ALDH1L1: variants seen among roughly 807,000 people sequenced by gnomAD.
The protein encoded by ALDH1L1 is aldehyde dehydrogenase 1 family member L1.
A neutral mutation model predicts 101.1 loss-of-function variants in ALDH1L1; 68 were observed. The ratio of observed to expected loss-of-function variants is 0.67; its 90% confidence interval spans 0.55 to 0.82. The LOEUF is 0.82. ALDH1L1 is among the 40% of genes least tolerant of loss of function. The pLI, the probability that ALDH1L1 is intolerant of heterozygous loss-of-function variation, is 0.00. For missense variants in ALDH1L1, 1,087 were observed against 1,172.7 expected (o/e 0.93, Z 1.07); for synonymous variants, 486 against 470.8 (o/e 1.03, Z -0.42).
intron 16 of ALDH1L1, among the ~76,000 whole-genome samples, chr3:126,122,356 C>T (rs966114890): frequency 6.6e-6 from 1 of 152,102 alleles, no homozygotes; most frequent in African/African-American, 2.4e-5. Context: ...TGATTATATA[C>T]ATAATTGTAT....
At chr3:126,176,700 G>A (rs1189110930) in intron 1 of ALDH1L1, among the ~76,000 whole-genome samples, 1 of 151,978 alleles carries the variant, frequency 6.6e-6, no homozygotes, top group African/African-American at 2.4e-5. Context: ...CACAATTCAT[G>A]GAGGAAAAAA....
chr3:126,120,986 G>A (rs1266490221), intron 16 of ALDH1L1, among the ~76,000 whole-genome samples: 1 of 152,102 alleles, frequency 6.6e-6, no homozygotes, highest in Non-Finnish European at 1.5e-5. Context: ...ACCTCACAAT[G>A]TGGCCTTATT....
chr3:126,135,753 C>T, intron 11 of ALDH1L1, 91 bp from the exon 12 acceptor site: 2 of 1,410,402 alleles, frequency 1.4e-6, no homozygotes, highest in Non-Finnish European at 9.3e-7. Flanking sequence ...CCTGGGGCCC[C>T]AGTGAGGCGG....
chr3:126,195,383 G>A (rs113563308), intron 1 of ALDH1L1, among the ~76,000 whole-genome samples: 24 of 152,100 alleles, frequency 1.6e-4, no homozygotes, highest in African/African-American at 5.8e-4. Context: ...ATTAATTAGA[G>A]CTCTCTTATA....
chr3:126,118,248 G>A, intron 16 of ALDH1L1, 150 bp from the exon 17 acceptor site: 1 of 663,256 alleles, frequency 1.5e-6, no homozygotes. Context: ...TGGGGCTCAT[G>A]GAGCCTCGCT....
At position 126,131,414 on chromosome 3, in the gene ALDH1L1, G is replaced by A. The variant is rs758187899; in HGVS notation, c.1593C>T (p.Arg531=). The A allele has an allele frequency of 4.4e-6, 7 of 1,609,050 alleles. No individual in the cohort carries two copies. The Admixed American group carries it at 6.7e-5, about 15-fold the overall frequency. ...TCTTGTCACACCAGCCAGCAAAGTA[G>A]CGGAAGGTCTGGATGGACATGCCCA... ...THVGMSIQTF[R]YFAGWCDKIQ... is the part of the protein sequence containing the mutation. The change falls in exon 13 of 23, where the codon CGC becomes CGT. Residue 531 remains arginine (R), a synonymous_variant. Coordinates refer to ENST00000393434, the MANE Select transcript of ALDH1L1 (RefSeq NM_012190.4).
chr3:126,125,204 C>T (rs1239776850), intron 15 of ALDH1L1, among the ~76,000 whole-genome samples: 1 of 152,206 alleles, frequency 6.6e-6, no homozygotes, highest in Non-Finnish European at 1.5e-5. Flanking sequence ...AATCCCACCG[C>T]TCACCCTGCT....
At chr3:126,139,085 C>T (rs1185125403) in intron 9 of ALDH1L1, among the ~76,000 whole-genome samples, 1 of 152,252 alleles carries the variant, frequency 6.6e-6, no homozygotes, top group Non-Finnish European at 1.5e-5. Flanking sequence ...CCAGGGTGGG[C>T]AATAAGGACC....
Position 126,160,953 on chromosome 3 carries a change from G to A in ALDH1L1, c.27C>T (p.Ser9=), listed in dbSNP as rs151234944. Residue 9 remains serine, a synonymous_variant, in exon 2 of 23, where the codon AGC becomes AGT. Transcript: ENST00000393434. The stretch of plus-strand genomic sequence containing the variant: ...GGCAGTAAACTTCCTGGCCAAACAG[G>A]CTCTGTCCAATCACTGCAATCTTCA... The part of the protein sequence containing the change: MKIAVIGQ[S]LFGQEVYCHL... 2.5e-6 allele frequency: 4 copies of A among 1,614,202 alleles called. No individual in the cohort carries two copies. Among genetic ancestry groups the A allele is most frequent in the Non-Finnish European group, 3.4e-6 (4 of 1,179,990 alleles).
rs1400665369 is a variant in ALDH1L1 at position 126,136,846 on chromosome 3, G to A, written c.1262C>T (p.Pro421Leu). The change falls in exon 11 of 23, where the codon CCC becomes CTC. Residue 421 changes from proline to leucine, a missense_variant. Physicochemically the swap from Pro to Leu is moderately conservative, Grantham distance 98 (BLOSUM62 -3). Transcript: ENST00000393434. The part of the protein sequence containing the change: ...MAVNKRTVRM[P>L]HQLFIGGEFV... ...CTCCCCCCCAATGAAGAGCTGGTGGGGCATGCGGACAGTGCGCTTGTTCAC... is the reference window on the plus strand; with the variant it reads ...CTCCCCCCCAATGAAGAGCTGGTGGAGCATGCGGACAGTGCGCTTGTTCAC... The A allele has an allele frequency of 1.2e-6, 2 of 1,612,498 alleles. No homozygotes were observed. The highest frequency in any genetic ancestry group is 1.1e-5 in the South Asian group (1 of 90,442).
rs769752197 is a variant in ALDH1L1 at position 126,137,894 on chromosome 3, T to A, written c.1143A>T (p.Ala381=). 1 of 1,614,082 alleles carries A rather than the reference T, an allele frequency of 6.2e-7. No homozygotes were observed. The highest frequency in any genetic ancestry group is 8.5e-7 in the Non-Finnish European group (1 of 1,180,032). The part of the protein sequence containing the change: ...LELENEDVYM[A]STFGDFIQLL... ...GCTGGATGAAGTCCCCAAAGGTGGA[T>A]GCCATGTACACATCTTCATTTTCTA... Residue 381 remains alanine, a synonymous_variant, in exon 10 of 23, where the codon GCA becomes GCT. Coordinates refer to ENST00000393434, the MANE Select transcript of ALDH1L1 (RefSeq NM_012190.4).
chr3:126,158,001 T>C (rs2080951074), intron 3 of ALDH1L1, among the ~76,000 whole-genome samples: 1 of 152,150 alleles, frequency 6.6e-6, no homozygotes, highest in South Asian at 2.1e-4. Flanking sequence ...CTACGAAGTG[T>C]GCTGCCCAGA....
intron 17 of ALDH1L1, among the ~76,000 whole-genome samples, chr3:126,116,000 G>A (rs1410511628): frequency 6.6e-6 from 1 of 151,272 alleles, no homozygotes; most frequent in Non-Finnish European, 1.5e-5. Flanking sequence ...AGCCTCTAGA[G>A]TAGCTGGGAA....
At chr3:126,135,485 C>A in intron 12 of ALDH1L1, 50 bp downstream of exon 12, 1 of 1,585,064 alleles carries the variant, frequency 6.3e-7, no homozygotes, top group South Asian at 1.1e-5. Flanking sequence ...CGTGCCACTG[C>A]CCAGAAGCTG....
rs533591549 is a variant in ALDH1L1, at chr3:126,108,707, G to A, written c.2347+1237C>T. Among the ~76,000 whole-genome samples the A allele has an allele frequency of 1.2e-4, 18 of 152,340 alleles. No homozygotes were observed. The South Asian group carries it at 2.3e-3, about 19-fold the overall frequency. On this transcript the variant is annotated intron_variant, in intron 20 of 22. Transcript: ENST00000393434. ...CTGAAGAAGCAGGAGCTCTCCAGGTGGGGACACTGGAAAGCCTCCACTAAG... is the reference window on the plus strand; with the variant it reads ...CTGAAGAAGCAGGAGCTCTCCAGGTAGGGACACTGGAAAGCCTCCACTAAG...
intron 1 of ALDH1L1, among the ~76,000 whole-genome samples, chr3:126,193,278 GA>G (rs1477301855): frequency 6.6e-6 from 1 of 152,122 alleles, no homozygotes; most frequent in Non-Finnish European, 1.5e-5. Context: ...ATCTATAAGA[GA>G]AAAACAGACC....
At position 126,136,881 on chromosome 3, in the gene ALDH1L1, C is replaced by T. The variant is rs753245193; in HGVS notation, c.1227G>A (p.Val409=). 3 of 1,613,686 alleles carry T rather than the reference C, an allele frequency of 1.9e-6. No homozygotes were observed. Among genetic ancestry groups the T allele is most frequent in the Non-Finnish European group, 1.7e-6 (2 of 1,179,872 alleles). Residue 409 remains valine, a splice_region_variant and synonymous_variant, in exon 11 of 23, where the codon GTG becomes GTA. Coordinates refer to ENST00000393434, the MANE Select transcript of ALDH1L1 (RefSeq NM_012190.4). ...DEEGECSIDY[V]EMAVNKRTVR... is the part of the protein sequence containing the mutation. ...CAGTGCGCTTGTTCACTGCCATTTC[C>T]ACCTGAAAGAAAGGCCCCAGTGACA... is the stretch of plus-strand genomic sequence containing the variant.
intron 11 of ALDH1L1, 83 bp from the exon 12 acceptor site, chr3:126,135,745 TG>T (rs2080425875): frequency 1.4e-6 from 2 of 1,425,142 alleles, no homozygotes; most frequent in South Asian, 1.6e-5. Context: ...GGCCTCCTCC[TG>T]GGGCCCCAGT....
At chr3:126,111,883 C>T (rs189505489) in intron 19 of ALDH1L1, among the ~76,000 whole-genome samples, 28 of 152,164 alleles carry the variant, frequency 1.8e-4, no homozygotes, top group Admixed American at 2.6e-4. Context: ...CTTGCTCCCC[C>T]CCTGGTATCA....
Sources: allele counts gnomAD v4.1 joint callset (sites outside exome capture counted in the v4.1 genomes callset), GRCh38; gene constraint gnomAD v4.1.1; transcripts MANE v1.5; gene names NCBI Gene and HGNC (gene_info 2026-07-23, HGNC 2026-07-21).